USP15: variants seen among roughly 807,000 people sequenced by gnomAD.
USP15 encodes ubiquitin carboxyl-terminal hydrolase 15.
A neutral mutation model predicts 127.1 loss-of-function variants in USP15; 18 were observed. That is an observed-to-expected ratio of 0.14 (90% CI 0.10 to 0.21). USP15 has a LOEUF of 0.21. Ranked by LOEUF, USP15 falls within the 10% of genes least tolerant of loss-of-function variation. The pLI, the probability that USP15 is intolerant of heterozygous loss-of-function variation, is 1.00. For missense variants in USP15, 805 were observed against 1,159.9 expected (o/e 0.69, Z 4.44); for synonymous variants, 364 against 393.7 (o/e 0.92, Z 0.89).
At chr12:62,294,094 A>G (rs2064057529) in intron 1 of USP15, 85 bp from the exon 2 acceptor site, 2 of 1,421,748 alleles carry the variant, frequency 1.4e-6, no homozygotes, top group African/African-American at 2.9e-5. Context: ...TTTTAATATA[A>G]AAGGAAATAT....
intron 8 of USP15, among the ~76,000 whole-genome samples, chr12:62,380,445 T>G (rs2066958077): frequency 6.6e-6 from 1 of 152,034 alleles, no homozygotes; most frequent in Non-Finnish European, 1.5e-5. Flanking sequence ...GGCTGAACCT[T>G]TCATAGCTAC....
At chr12:62,298,599 GC>G (rs1363027703) in intron 2 of USP15, among the ~76,000 whole-genome samples, 1 of 152,080 alleles carries the variant, frequency 6.6e-6, no homozygotes, top group Admixed American at 6.5e-5. Flanking sequence ...CTGGAAGGCA[GC>G]GGTTCAGCAA....
chr12:62,265,775 G>T (rs1289923274), intron 1 of USP15, among the ~76,000 whole-genome samples: 1 of 152,108 alleles, frequency 6.6e-6, no homozygotes, highest in Non-Finnish European at 1.5e-5. Flanking sequence ...TGAAACTCCT[G>T]ACCTCAAATG....
chr12:62,261,781 T>C (rs61919228), intron 1 of USP15, among the ~76,000 whole-genome samples: 13 of 152,218 alleles, frequency 8.5e-5, no homozygotes, highest in Non-Finnish European at 1.3e-4. Context: ...GTTAAGCTAA[T>C]AGGTGGCAGA....
At chr12:62,265,557 T>A (rs181909029) in intron 1 of USP15, among the ~76,000 whole-genome samples, 2 of 152,092 alleles carry the variant, frequency 1.3e-5, no homozygotes, top group Non-Finnish European at 2.9e-5. Flanking sequence ...TTAAAAAAAT[T>A]TTTTCTAGAG....
intron 3 of USP15, among the ~76,000 whole-genome samples, chr12:62,313,608 T>A (rs1373521635): frequency 6.6e-6 from 1 of 151,800 alleles, no homozygotes; most frequent in Non-Finnish European, 1.5e-5. Flanking sequence ...TCTTATAAAA[T>A]TAAATGTTAC....
At chr12:62,302,561 GT>G (rs564815982) in intron 2 of USP15, among the ~76,000 whole-genome samples, 6 of 151,174 alleles carry the variant, frequency 4.0e-5, no homozygotes, top group Admixed American at 1.3e-4. Flanking sequence ...AACATTATGA[GT>G]TTTTTTTTAT....
At chr12:62,352,862 A>C (rs1184892020) in intron 7 of USP15, among the ~76,000 whole-genome samples, 1 of 151,972 alleles carries the variant, frequency 6.6e-6, no homozygotes, top group Non-Finnish European at 1.5e-5. Context: ...GTGTATTTTT[A>C]TTAAAGAAGG....
intron 21 of USP15, among the ~76,000 whole-genome samples, chr12:62,401,805 G>A (rs189403925): frequency 5.4e-4 from 82 of 151,232 alleles, no homozygotes; most frequent in Middle Eastern, 3.4e-3. Context: ...AGGAAGTTCC[G>A]TCTGTTCACA....
intron 3 of USP15, 90 bp from the exon 4 acceptor site, chr12:62,314,700 C>T: frequency 8.3e-7 from 1 of 1,211,912 alleles, no homozygotes; most frequent in Non-Finnish European, 1.1e-6. Flanking sequence ...TGGAGATCTG[C>T]AGTTTTCTAA....
rs2067894592 is a variant in USP15 at position 62,407,144 on chromosome 12, A to T, written c.*2769A>T. The T allele has an allele frequency of 6.6e-6, 1 of 152,186 alleles. No homozygotes were observed. Among genetic ancestry groups the T allele is most frequent in the East Asian group, 1.9e-4 (1 of 5,194 alleles). The allele number at this position is 152,186 out of a possible 1,614,324, so 9.4% of individuals were successfully genotyped here. ...AGCATTTATTGAGCACTTACTATGG[A>T]CCAGGCACTATATTAAAGTGTTTAT... On this transcript the variant is annotated 3_prime_UTR_variant, in exon 22 of 22. Coordinates refer to ENST00000280377, the MANE Select transcript of USP15 (RefSeq NM_001252078.2).
intron 16 of USP15, 103 bp downstream of exon 16, chr12:62,391,532 T>C: frequency 7.1e-7 from 1 of 1,404,306 alleles, no homozygotes; most frequent in South Asian, 1.4e-5. Flanking sequence ...AAATATACCA[T>C]TTACTTTTCT....
At chr12:62,339,967 C>A (rs190956185) in intron 6 of USP15, among the ~76,000 whole-genome samples, 37 of 152,240 alleles carry the variant, frequency 2.4e-4, no homozygotes, top group Admixed American at 1.2e-3. Flanking sequence ...ATGGTACCAG[C>A]TCCTCTTTGT....
At chr12:62,374,981 T>G (rs561316814) in intron 8 of USP15, among the ~76,000 whole-genome samples, 2 of 151,796 alleles carry the variant, frequency 1.3e-5, no homozygotes, top group Admixed American at 6.7e-5. Context: ...GAATTAGTAC[T>G]TTAATAAAGA....
In USP15 at chr12:62,355,480, G is replaced by A; in HGVS notation, c.915+5G>A. On this transcript the variant is annotated splice_donor_5th_base_variant and intron_variant, in intron 8 of 21. Transcript: ENST00000280377. ...TTCATGAACTCAGCTATTCAGGTAGGTCTTTGTAAACAAAATGAAACTCAT... is the reference window on the plus strand; with the variant it reads ...TTCATGAACTCAGCTATTCAGGTAGATCTTTGTAAACAAAATGAAACTCAT... 2 of 1,579,268 alleles carry A rather than the reference G, an allele frequency of 1.3e-6. No homozygotes were observed. Among genetic ancestry groups the A allele is most frequent in the East Asian group, 4.5e-5 (2 of 44,462 alleles).
intron 8 of USP15, among the ~76,000 whole-genome samples, chr12:62,369,822 T>C (rs1346808400): frequency 1.3e-5 from 2 of 152,206 alleles, no homozygotes; most frequent in African/African-American, 4.8e-5. Context: ...ATATTAATAG[T>C]AGAATGAAAC....
intron 5 of USP15, among the ~76,000 whole-genome samples, chr12:62,324,541 A>G (rs534934488): frequency 5.9e-5 from 9 of 152,116 alleles, no homozygotes; most frequent in Non-Finnish European, 1.2e-4. Flanking sequence ...ATCTTCATAA[A>G]TTTATAAAAC....
chr12:62,326,506 T>C (rs73137521), intron 6 of USP15, among the ~76,000 whole-genome samples: 15,991 of 152,068 alleles, frequency 0.11, 893 homozygotes, highest in Middle Eastern at 0.17. Context: ...AGTAATATGG[T>C]ACATGTCCCT....
chr12:62,304,653 C>G (rs1050554787), intron 3 of USP15: 2 of 445,414 alleles, frequency 4.5e-6, no homozygotes, highest in Non-Finnish European at 9.0e-6. Context: ...TCAAAGATCT[C>G]TAAAATGCGT....
Sources: gnomAD v4.1 joint callset for allele counts (sites outside exome capture counted in the v4.1 genomes callset) on GRCh38, gnomAD v4.1.1 for gene constraint, MANE v1.5 for transcripts, NCBI Gene and HGNC (gene_info 2026-07-23, HGNC 2026-07-21) for gene names.